ZSCAN31: variants seen among roughly 807,000 people sequenced by gnomAD.
The protein encoded by ZSCAN31 is zinc finger and SCAN domain-containing protein 31.
In ZSCAN31, 14 loss-of-function variants were observed where a neutral mutation model predicts 22.5. That is an observed-to-expected ratio of 0.62 (90% confidence interval 0.41 to 0.97). ZSCAN31 has a LOEUF of 0.97. ZSCAN31 is among the 50% of genes least tolerant of loss of function. The probability of loss-of-function intolerance (pLI) is 0.00; values close to 1 mark genes in which losing one functional copy is unlikely to be tolerated. For synonymous variants in ZSCAN31, 168 were observed against 169.8 expected (o/e 0.99, Z 0.08); for missense variants, 424 against 483.4 (o/e 0.88, Z 1.15).
At chr6:28,330,004 C>T (rs1763619490) in intron 1 of ZSCAN31, among the ~76,000 whole-genome samples, 1 of 152,144 alleles carries the variant, frequency 6.6e-6, no homozygotes, top group African/African-American at 2.4e-5. Flanking sequence ...TTGCAGTGCC[C>T]TTCCATTGTG....
chr6:28,343,315 A>T (rs536270167), intron 2 of ZSCAN31, among the ~76,000 whole-genome samples: 8 of 152,164 alleles, frequency 5.3e-5, no homozygotes, highest in East Asian at 3.9e-4. Flanking sequence ...TCAGAAAAAA[A>T]TTTTTTGCAT....
Position 28,326,630 on chromosome 6 carries a change from C to A in ZSCAN31, c.757G>T (p.Val253Leu). 6.2e-7 allele frequency: 1 copy of A among 1,614,154 alleles called. No homozygotes were observed. Among genetic ancestry groups the A allele is most frequent in the Non-Finnish European group, 8.5e-7 (1 of 1,180,018 alleles). Reference sequence around the variant, plus strand: ...TGGATTCTCTGGTGCTCAATGAGTACTGAACTCTTAGTGAAGCTTTTCCCA... The same window carrying A: ...TGGATTCTCTGGTGCTCAATGAGTAATGAACTCTTAGTGAAGCTTTTCCCA... ...ECGKSFTKSSVLIEHQRIHTG... is the reference protein window; with the variant it reads ...ECGKSFTKSSLLIEHQRIHTG... The change falls in exon 4 of 4, where the codon GTA becomes TTA. Residue 253 changes from valine (V) to leucine (L), a missense_variant. By Grantham distance (32) the Val-to-Leu change is conservative (BLOSUM62 1). Transcript: ENST00000344279.
chr6:28,343,195 G>C (rs2113855153), intron 2 of ZSCAN31, among the ~76,000 whole-genome samples: 1 of 152,276 alleles, frequency 6.6e-6, no homozygotes, highest in East Asian at 1.9e-4. Flanking sequence ...TTGAGTTGGA[G>C]TAACCCCATA....
chr6:28,343,046 C>T (rs938006048), intron 2 of ZSCAN31, among the ~76,000 whole-genome samples: 1 of 152,154 alleles, frequency 6.6e-6, no homozygotes, highest in Non-Finnish European at 1.5e-5. Context: ...TTGTGGCCCC[C>T]TGTTAGGATG....
At position 28,326,669 on chromosome 6, in the gene ZSCAN31, T is replaced by G. The variant is rs916288514; in HGVS notation, c.718A>C (p.Arg240=). Residue 240 remains arginine, a synonymous_variant, in exon 4 of 4, where the codon AGG becomes CGG. Transcript: ENST00000344279. ...AAGCTTTTCCCACATTCATTGCACC[T>G]GTGGCGTCTCTCTCCAGTGGAATGT... The part of the protein sequence containing the change: ...QAHSTGERRH[R]CNECGKSFTK... 2 of 1,614,190 alleles carry G rather than the reference T, an allele frequency of 1.2e-6. No individual in the cohort carries two copies. Among genetic ancestry groups the G allele is most frequent in the Non-Finnish European group, 1.7e-6 (2 of 1,180,022 alleles).
chr6:28,327,295 G>A (rs1178339274), intron 3 of ZSCAN31, 88 bp downstream of exon 3: 3 of 1,471,822 alleles, frequency 2.0e-6, no homozygotes, highest in Non-Finnish European at 2.8e-6. Flanking sequence ...TCCAACCCAG[G>A]CAATTTAGCC....
intron 3 of ZSCAN31, 58 bp downstream of exon 3, chr6:28,327,325 C>T: frequency 3.8e-6 from 6 of 1,592,636 alleles, no homozygotes; most frequent in Non-Finnish European, 4.3e-6. Context: ...ACAGTCTTAA[C>T]TATCGCCCTA....
intron 2 of ZSCAN31, among the ~76,000 whole-genome samples, chr6:28,346,417 G>A (rs377206531): frequency 1.2e-4 from 17 of 144,706 alleles, no homozygotes; most frequent in East Asian, 6.1e-4. Context: ...GTGTGCAATG[G>A]CGTGATCTCA....
Position 28,349,027 on chromosome 6 carries a change from GTCTCATATACATAGGTGTATATA to G in ZSCAN31, c.-371+4812_-371+4834del. Among the ~76,000 whole-genome samples, 1 of 117,882 alleles carries G rather than the reference GTCTCATATACATAGGTGTATATA, an allele frequency of 8.5e-6. No individual in the cohort carries two copies. The highest frequency in any genetic ancestry group is 1.8e-5 in the Non-Finnish European group (1 of 56,754). 77.3% of individuals were successfully genotyped at this position (117,882 alleles called of 152,430 possible). A position where few individuals can be genotyped will look rare whatever the true frequency, so the allele number is the denominator to read the frequency against. ...CTCATATACATAGGTGTATATACAT[GTCTCATATACATAGGTGTATATA>G]CATGTCTCATATACATAGGTGTATA... On this transcript the variant is annotated intron_variant, in intron 2 of 7. Transcript: ENST00000396838. The surrounding 1 kb of genome is among the most constrained non-coding windows in gnomAD (Gnocchi z 4.1).
chr6:28,329,280 G>T (rs767976904), intron 2 of ZSCAN31, 23 bp downstream of exon 2: 3 of 1,545,132 alleles, frequency 1.9e-6, no homozygotes, highest in Non-Finnish European at 2.6e-6. Flanking sequence ...TTAATGTCTA[G>T]AAGTCCATCT....
chr6:28,350,316 A>C (rs1048651704), intron 2 of ZSCAN31: 1 of 152,038 alleles, frequency 6.6e-6, no homozygotes, highest in African/African-American at 2.4e-5. Flanking sequence ...GTATTTGGAG[A>C]CGGGATGCAT....
chr6:28,330,306 T>C (rs1330240117), intron 1 of ZSCAN31, among the ~76,000 whole-genome samples: 1 of 152,152 alleles, frequency 6.6e-6, no homozygotes, highest in East Asian at 1.9e-4. Context: ...AAATAGGGCC[T>C]GCCCACCCCA....
rs1303716723 is a variant in ZSCAN31 at position 28,348,162 on chromosome 6, TTTTAA to T, written c.-371+5695_-371+5699del. On this transcript the variant is annotated intron_variant, in intron 2 of 7. Transcript: ENST00000396838. ...GTGTTGCAAATATCTTCTCCCAACC[TTTTAA>T]TTTAATTGTCTTTACCATTAGTTTC... 1.4e-4 allele frequency among the ~76,000 whole-genome samples: 22 copies of T among 152,312 alleles called. No individual in the cohort carries two copies. The South Asian group carries it at 2.9e-3, about 20-fold the overall frequency.
intron 2 of ZSCAN31, among the ~76,000 whole-genome samples, chr6:28,350,602 G>C (rs1232504921): frequency 6.6e-6 from 1 of 152,172 alleles, no homozygotes; most frequent in Non-Finnish European, 1.5e-5. Context: ...GAATGCATTC[G>C]TATGGGTAAG....
chr6:28,336,667 C>T (rs1432332375), upstream of ZSCAN31: 2 of 152,194 alleles, frequency 1.3e-5, no homozygotes, highest in Admixed American at 1.3e-4. Context: ...TCTGTTGAAG[C>T]TATGGACGGG....
intron 1 of ZSCAN31, among the ~76,000 whole-genome samples, chr6:28,330,201 A>T (rs964623496): frequency 6.6e-6 from 1 of 152,192 alleles, no homozygotes; most frequent in African/African-American, 2.4e-5. Context: ...AGTGGAGCAG[A>T]TGAGACCATC....
At chr6:28,338,338 G>A (rs572717682), upstream of ZSCAN31, among the ~76,000 whole-genome samples, 11 of 152,206 alleles carry the variant, frequency 7.2e-5, no homozygotes, top group Non-Finnish European at 1.5e-4. Context: ...AGCTGAGATT[G>A]TGCCACTGCA....
chr6:28,354,739 G>A (rs571023653), upstream of ZSCAN31, among the ~76,000 whole-genome samples: 2 of 152,342 alleles, frequency 1.3e-5, no homozygotes, highest in South Asian at 4.1e-4. Context: ...TGTTGGGGCG[G>A]GCAACAACAG....
In ZSCAN31 at chr6:28,333,068, T is replaced by C. The variant is rs1179940717; in HGVS notation, c.-96+3014A>G. ...GTTGATGACTTGACTGCAGAAACAGTCAAAGACATCCTAGAATTCAACTCC... is the reference window on the plus strand; with the variant it reads ...GTTGATGACTTGACTGCAGAAACAGCCAAAGACATCCTAGAATTCAACTCC... On this transcript the variant is annotated intron_variant, in intron 1 of 3. Coordinates refer to ENST00000344279, the MANE Select transcript of ZSCAN31 (RefSeq NM_030899.5). The surrounding 1 kb of genome is among the most constrained non-coding windows in gnomAD (Gnocchi z 4.1). 6.6e-6 allele frequency among the ~76,000 whole-genome samples: 1 copy of C among 152,082 alleles called. No homozygotes were observed. The highest frequency in any genetic ancestry group is 1.5e-5 in the Non-Finnish European group (1 of 68,014).
Sources: gnomAD v4.1 joint callset for allele counts (sites outside exome capture counted in the v4.1 genomes callset) on GRCh38, gnomAD v4.1.1 for gene constraint, Gnocchi (gnomAD v3.1) non-coding constraint, MANE v1.5 for transcripts, NCBI Gene and HGNC (gene_info 2026-07-23, HGNC 2026-07-21) for gene names.